The following RBFOX1 variants were observed in gnomAD, a reference collection of about 807,000 sequenced individuals.
RBFOX1 encodes the protein RNA binding fox-1 homolog 1.
RBFOX1 carries 8 observed loss-of-function variants against 57.7 expected under a neutral mutation model. The observed-to-expected ratio is 0.14, with a 90% CI of 0.08 to 0.25. The LOEUF is 0.25. Ranked by LOEUF, RBFOX1 falls within the 10% of genes least tolerant of loss-of-function variation. RBFOX1 has a pLI of 1.00. For missense variants in RBFOX1, 611 were observed against 548.5 expected (o/e 1.11, Z -1.14); for synonymous variants, 326 against 222.4 (o/e 1.47, Z -4.15).
At chr16:6,110,356 C>T (rs1167042044) in intron 1 of RBFOX1, among the ~76,000 whole-genome samples, 1 of 151,926 alleles carries the variant, frequency 6.6e-6, no homozygotes, top group Non-Finnish European at 1.5e-5. Context: ...GCACAGAATT[C>T]TAGGTAGGCA....
intron 3 of RBFOX1, among the ~76,000 whole-genome samples, chr16:5,702,386 C>T (rs1480747290): frequency 6.6e-6 from 1 of 152,136 alleles, no homozygotes; most frequent in Non-Finnish European, 1.5e-5. Context: ...AATTCACCCC[C>T]ATGATGCAGT....
chr16:6,895,625 G>C (rs1374843741), intron 3 of RBFOX1, among the ~76,000 whole-genome samples: 1 of 151,584 alleles, frequency 6.6e-6, no homozygotes, highest in African/African-American at 2.4e-5. Flanking sequence ...AAAAAATGGA[G>C]AGTCATAGAT....
At chr16:5,454,974 T>C (rs1428238685) in intron 1 of RBFOX1, among the ~76,000 whole-genome samples, 336 of 79,894 alleles carry the variant, frequency 4.2e-3, no homozygotes, top group South Asian at 7.0e-3. Flanking sequence ...TTTCTTTCTT[T>C]CTTTCTTTCT....
chr16:5,738,191 T>C (rs11648473), intron 3 of RBFOX1, among the ~76,000 whole-genome samples: 46,639 of 152,010 alleles, frequency 0.31, 7,444 homozygotes, highest in East Asian at 0.56. Context: ...TTTATACATA[T>C]TCATGAAAGT....
chr16:6,757,241 T>A (rs1054086641), intron 3 of RBFOX1, among the ~76,000 whole-genome samples: 2 of 152,090 alleles, frequency 1.3e-5, no homozygotes, highest in African/African-American at 4.8e-5. Flanking sequence ...ATACAGAGGT[T>A]TCTCAAAAAG....
intron 2 of RBFOX1, among the ~76,000 whole-genome samples, chr16:5,598,543 T>C (rs1400203036): frequency 1.3e-5 from 2 of 152,230 alleles, no homozygotes; most frequent in Non-Finnish European, 2.9e-5. Flanking sequence ...TATTTTTATA[T>C]ATTATTAAAT....
At chr16:6,282,774 T>G (rs536159541) in intron 1 of RBFOX1, among the ~76,000 whole-genome samples, 48 of 152,302 alleles carry the variant, frequency 3.2e-4, no homozygotes, top group African/African-American at 1.1e-3. Flanking sequence ...TCTCTTAGCT[T>G]CCTATCAGCC....
At chr16:5,723,417 T>G (rs1020009386) in intron 3 of RBFOX1, among the ~76,000 whole-genome samples, 1 of 86,768 alleles carries the variant, frequency 1.2e-5, no homozygotes, top group Non-Finnish European at 2.5e-5. Context: ...TTGGGCTGGA[T>G]GGTGTCTGAG....
intron 2 of RBFOX1, among the ~76,000 whole-genome samples, chr16:5,510,782 G>A (rs948511989): frequency 6.6e-6 from 1 of 152,074 alleles, no homozygotes; most frequent in Admixed American, 6.6e-5. Flanking sequence ...TCAGTGTGGC[G>A]GGGCTGTTCT....
At chr16:6,940,376 C>T (rs545721101) in intron 3 of RBFOX1, among the ~76,000 whole-genome samples, 57 of 152,248 alleles carry the variant, frequency 3.7e-4, no homozygotes, top group Admixed American at 9.2e-4. Context: ...CACTTCCCAT[C>T]CGACAATTCC....
At chr16:6,750,636 T>G (rs1049916567) in intron 3 of RBFOX1, among the ~76,000 whole-genome samples, 2 of 152,324 alleles carry the variant, frequency 1.3e-5, no homozygotes, top group African/African-American at 4.8e-5. Flanking sequence ...GACCCAAGTT[T>G]AAAACACCTG....
chr16:5,829,029 C>G (rs1308770092), intron 3 of RBFOX1, among the ~76,000 whole-genome samples: 1 of 152,100 alleles, frequency 6.6e-6, no homozygotes, highest in Admixed American at 6.5e-5. Flanking sequence ...GAAGACCTGG[C>G]CAAGGAAGGA....
intron 4 of RBFOX1, among the ~76,000 whole-genome samples, chr16:7,388,232 T>C (rs2097917541): frequency 6.6e-6 from 1 of 152,096 alleles, no homozygotes; most frequent in South Asian, 2.1e-4. Flanking sequence ...ACAAGGTTGG[T>C]GTGATGGATG....
chr16:5,715,065 G>A (rs2151517235), intron 3 of RBFOX1, among the ~76,000 whole-genome samples: 1 of 152,328 alleles, frequency 6.6e-6, no homozygotes, highest in South Asian at 2.1e-4. Context: ...TGCTTCTCCA[G>A]TCTTTTGTTG....
downstream of RBFOX1, among the ~76,000 whole-genome samples, chr16:5,602,828 C>T (rs2047410517): frequency 6.6e-6 from 1 of 152,034 alleles, no homozygotes; most frequent in African/African-American, 2.4e-5. Context: ...AATAATAGTA[C>T]TAATACTAGT....
chr16:5,538,634 T>G lies in RBFOX1; in HGVS notation c.259-60268T>G, dbSNP rs200094344. On this transcript the variant is annotated intron_variant, in intron 2 of 2. Transcript: ENST00000585867. Reference sequence around the variant, plus strand: ...TTTATTTCTTCTTTTTTTTTTTTTTTGTTTTTTTAAGACAGAGTCTTACCC... The same window carrying G: ...TTTATTTCTTCTTTTTTTTTTTTTTGGTTTTTTTAAGACAGAGTCTTACCC... Among the ~76,000 whole-genome samples, 6 of 127,620 alleles carry G rather than the reference T, an allele frequency of 4.7e-5. 1 individual carries two copies. Among genetic ancestry groups the G allele is most frequent in the East Asian group, 5.0e-4 (2 of 3,974 alleles). 83.7% of individuals were successfully genotyped at this position (127,620 alleles called of 152,430 possible). A position where few individuals can be genotyped will look rare whatever the true frequency, so the allele number is the denominator to read the frequency against.
intron 4 of RBFOX1, among the ~76,000 whole-genome samples, chr16:7,130,289 C>T (rs538412975): frequency 6.6e-6 from 1 of 152,266 alleles, no homozygotes; most frequent in East Asian, 1.9e-4. Flanking sequence ...CCCACATCAG[C>T]TTCCCAAAGT....
At chr16:7,015,011 A>G (rs1247554487) in intron 3 of RBFOX1, among the ~76,000 whole-genome samples, 1 of 152,172 alleles carries the variant, frequency 6.6e-6, no homozygotes, top group Non-Finnish European at 1.5e-5. Flanking sequence ...GGTGTGAGCC[A>G]CCGTGCTTAG....
chr16:5,857,831 A>T (rs574387260), intron 3 of RBFOX1, among the ~76,000 whole-genome samples: 17 of 151,994 alleles, frequency 1.1e-4, no homozygotes, highest in Middle Eastern at 3.5e-3. Context: ...CTGTAGTCCC[A>T]GTTAACTGGG....
Sources: gnomAD v4.1 joint callset for allele counts (sites outside exome capture counted in the v4.1 genomes callset) on GRCh38, gnomAD v4.1.1 for gene constraint, MANE v1.5 for transcripts, NCBI Gene and HGNC (gene_info 2026-07-23, HGNC 2026-07-21) for gene names.